EPB41: variants seen among roughly 807,000 people sequenced by gnomAD.
EPB41 encodes the protein erythrocyte membrane protein band 4.1.
EPB41 carries 65 observed loss-of-function variants against 108.0 expected under a neutral mutation model. That is an observed-to-expected ratio of 0.60 (90% CI 0.49 to 0.74). The LOEUF (loss-of-function observed/expected upper bound fraction) is 0.74, where lower values mean the gene tolerates loss of function less well. Ranked by LOEUF, EPB41 falls within the 30% of genes least tolerant of loss-of-function variation. The probability of loss-of-function intolerance (pLI) is 0.00; values close to 1 mark genes in which losing one functional copy is unlikely to be tolerated. For missense variants in EPB41, 875 were observed against 1,037.0 expected, an observed-to-expected ratio of 0.84 and a Z score of 2.15; for synonymous variants, 336 against 358.9, an observed-to-expected ratio of 0.94 and a Z score of 0.72.
At chr1:28,903,797 G>C (rs1280536333) in intron 1 of EPB41, among the ~76,000 whole-genome samples, 1 of 152,138 alleles carries the variant, frequency 6.6e-6, no homozygotes, top group Admixed American at 6.6e-5. Context: ...GACTCGCATA[G>C]CATCTCAGTG....
At chr1:28,983,255 A>C (rs2095799147) in intron 1 of EPB41, among the ~76,000 whole-genome samples, 1 of 152,232 alleles carries the variant, frequency 6.6e-6, no homozygotes, top group South Asian at 2.1e-4. Context: ...TGTTTCATTC[A>C]TTAATTAACA....
chr1:29,075,156 CAAAAAAA>C (rs397979778), intron 16 of EPB41, among the ~76,000 whole-genome samples: 1 of 97,550 alleles, frequency 1.0e-5, no homozygotes, highest in African/African-American at 4.2e-5. Context: ...GACTCCGTCT[CAAAAAAA>C]AAAAAAAAAA....
At chr1:28,902,181 C>T (rs1358231530) in intron 1 of EPB41, 8 of 985,018 alleles carry the variant, frequency 8.1e-6, no homozygotes, top group African/African-American at 3.5e-5. Flanking sequence ...AAAAAGTGAG[C>T]GGTCATCATC....
chr1:29,106,597 G>T (rs1574013262), intron 17 of EPB41, among the ~76,000 whole-genome samples: 1 of 27,008 alleles, frequency 3.7e-5, no homozygotes. Flanking sequence ...TTTTTGAGAT[G>T]GAGTCTTCCT....
At chr1:29,029,524 T>C (rs775921220) in intron 7 of EPB41, among the ~76,000 whole-genome samples, 6 of 152,202 alleles carry the variant, frequency 3.9e-5, no homozygotes, top group South Asian at 2.1e-4. Flanking sequence ...TACTGTTTTT[T>C]CCTTGGGGAT....
At chr1:28,985,956 A>G (rs2095861283) in intron 1 of EPB41, 2 of 148,838 alleles carry the variant, frequency 1.3e-5, no homozygotes, top group Non-Finnish European at 3.0e-5. Context: ...CATTAGGTAT[A>G]TCTCCCAATG....
At chr1:29,033,516 CAA>C (rs904242492) in intron 9 of EPB41, among the ~76,000 whole-genome samples, 3 of 152,114 alleles carry the variant, frequency 2.0e-5, no homozygotes, top group Non-Finnish European at 4.4e-5. Flanking sequence ...TTACGCCAAG[CAA>C]AAACTTAATG....
chr1:28,993,677 GAC>G (rs2096081559), intron 3 of EPB41, 135 bp downstream of exon 3: 1 of 662,166 alleles, frequency 1.5e-6, no homozygotes, highest in Non-Finnish European at 2.3e-6. Context: ...TTTTTTTTGA[GAC>G]AGAGTTTTGC....
At chr1:28,917,571 G>T (rs986071507) in intron 1 of EPB41, among the ~76,000 whole-genome samples, 35 of 151,670 alleles carry the variant, frequency 2.3e-4, no homozygotes, top group African/African-American at 8.5e-4. Flanking sequence ...GAGCCACCGT[G>T]CCTGGCCCTG....
At chr1:28,997,794 C>T (rs868712794) in intron 4 of EPB41, among the ~76,000 whole-genome samples, 1 of 151,904 alleles carries the variant, frequency 6.6e-6, no homozygotes, top group South Asian at 2.1e-4. Flanking sequence ...ATTATTGAAA[C>T]GGTCATAACG....
At chr1:29,079,732 C>T (rs1032346128) in intron 16 of EPB41, among the ~76,000 whole-genome samples, 1 of 152,146 alleles carries the variant, frequency 6.6e-6, no homozygotes, top group African/African-American at 2.4e-5. Flanking sequence ...CAGTGGCTCA[C>T]ACCTGTAATC....
intron 16 of EPB41, chr1:29,069,068 T>C: frequency 1.1e-6 from 1 of 950,948 alleles, no homozygotes; most frequent in Non-Finnish European, 1.4e-6. Context: ...TATACCCTAT[T>C]CTTTTTATGT....
intron 1 of EPB41, among the ~76,000 whole-genome samples, chr1:28,968,575 C>T (rs1161033235): frequency 6.6e-6 from 1 of 151,980 alleles, no homozygotes; most frequent in Non-Finnish European, 1.5e-5. Flanking sequence ...TAGAAAAGAA[C>T]CTGACACTTA....
intron 1 of EPB41, among the ~76,000 whole-genome samples, chr1:28,932,194 C>A (rs916660428): frequency 1.3e-5 from 2 of 152,170 alleles, no homozygotes; most frequent in Non-Finnish European, 2.9e-5. Context: ...ACTATCTCAG[C>A]TCACTGCAGC....
At chr1:29,051,552 G>T (rs928702847) in intron 11 of EPB41, among the ~76,000 whole-genome samples, 30 of 152,114 alleles carry the variant, frequency 2.0e-4, no homozygotes, top group African/African-American at 7.2e-4. Flanking sequence ...GTTTAAGAAT[G>T]CAGGAAAGTC....
rs889272580 is a variant in EPB41, at chr1:28,887,532, G to A, written c.-8+322G>A. ...GGCGGGGGTCCTGCATTCGGTGTCC[G>A]CGGGAGAGTCCCTGCAGGTCGGCGC... On this transcript the variant is annotated intron_variant, in intron 1 of 16. Coordinates refer to the EPB41 transcript ENST00000347529. This position sits in a 1 kb window ranked among gnomAD's most constrained non-coding sequence, Gnocchi z 4.9. 2.0e-5 allele frequency: 20 copies of A among 985,194 alleles called. No individual in the cohort carries two copies. Among genetic ancestry groups the A allele is most frequent in the Non-Finnish European group, 2.4e-5 (20 of 829,836 alleles). 61.0% of individuals were successfully genotyped at this position (985,194 alleles called of 1,614,324 possible). A position where few individuals can be genotyped will look rare whatever the true frequency, so the allele number is the denominator to read the frequency against.
chr1:29,056,370 T>C lies in EPB41; in HGVS notation c.1846-2219T>C, dbSNP rs1303194309. 4.6e-5 allele frequency among the ~76,000 whole-genome samples: 7 copies of C among 152,318 alleles called. No homozygotes were observed. The East Asian group carries it at 1.2e-3, about 25-fold the overall frequency. On this transcript the variant is annotated intron_variant, in intron 12 of 20. Coordinates refer to ENST00000343067, the MANE Select transcript of EPB41 (RefSeq NM_001376013.1). ...AGCCTTGTAACTGTAAATTTCATTA[T>C]CTGACATTAGTTTGGTGCCAGATAG...
At chr1:28,895,360 C>A (rs933606119) in intron 1 of EPB41, among the ~76,000 whole-genome samples, 2 of 152,038 alleles carry the variant, frequency 1.3e-5, no homozygotes, top group African/African-American at 2.4e-5. Context: ...CTAGGAGACC[C>A]TCTGAAGCAG....
At chr1:28,918,450 T>C (rs183651107) in intron 1 of EPB41, among the ~76,000 whole-genome samples, 44 of 152,354 alleles carry the variant, frequency 2.9e-4, no homozygotes, top group Non-Finnish European at 5.4e-4. Flanking sequence ...ATTTTTTCTT[T>C]AATTACTTGA....
Sources: allele counts gnomAD v4.1 joint callset (sites outside exome capture counted in the v4.1 genomes callset), GRCh38; gene constraint gnomAD v4.1.1; non-coding constraint Gnocchi (gnomAD v3.1); transcripts MANE v1.5; gene names NCBI Gene and HGNC (gene_info 2026-07-23, HGNC 2026-07-21).